The following STXBP5L variants were observed in gnomAD, a reference collection of about 807,000 sequenced individuals.
STXBP5L encodes the protein syntaxin-binding protein 5-like.
STXBP5L carries 65 observed loss-of-function variants against 144.5 expected under a neutral mutation model. The observed-to-expected ratio is 0.45, with a 90% CI of 0.37 to 0.55. The LOEUF is 0.55. Among genes scored for constraint, STXBP5L ranks in the 20% least tolerant of loss-of-function variants. The probability of loss-of-function intolerance (pLI) is 0.00; values close to 1 mark genes in which losing one functional copy is unlikely to be tolerated. For synonymous variants in STXBP5L, 505 were observed against 469.6 expected (o/e 1.08, Z -0.97); for missense variants, 1,298 against 1,405.5 (o/e 0.92, Z 1.22).
intron 3 of STXBP5L, among the ~76,000 whole-genome samples, chr3:121,033,587 C>T (rs867695428): frequency 1.5e-5 from 2 of 133,974 alleles, no homozygotes; most frequent in African/African-American, 5.7e-5. Context: ...AAAAAAAAAA[C>T]ATTAAAAAAT....
intron 11 of STXBP5L, 146 bp from the exon 12 acceptor site, chr3:121,233,470 C>T (rs2049371618): frequency 1.0e-5 from 5 of 486,974 alleles, no homozygotes; most frequent in Non-Finnish European, 1.1e-5. Context: ...TTTTTAAGTG[C>T]TCTTTGTTAC....
At chr3:120,932,407 A>G (rs1047846401) in intron 2 of STXBP5L, among the ~76,000 whole-genome samples, 1 of 152,186 alleles carries the variant, frequency 6.6e-6, no homozygotes, top group Non-Finnish European at 1.5e-5. Flanking sequence ...GCCATTTTTA[A>G]TTCTAGCAGA....
chr3:120,968,628 A>C (rs1047241730), intron 3 of STXBP5L, among the ~76,000 whole-genome samples: 10 of 152,266 alleles, frequency 6.6e-5, no homozygotes, highest in Admixed American at 5.9e-4. Flanking sequence ...TACATAGATA[A>C]GTTTTTTAGT....
At chr3:121,004,243 C>T (rs7645721) in intron 3 of STXBP5L, among the ~76,000 whole-genome samples, 49,443 of 150,408 alleles carry the variant, frequency 0.33, 8,590 homozygotes, top group Admixed American at 0.44. Flanking sequence ...TGGTTTGTAG[C>T]TCTCCTTGAA....
chr3:121,217,496 C>T (rs1272560352), intron 10 of STXBP5L, among the ~76,000 whole-genome samples: 1 of 152,070 alleles, frequency 6.6e-6, no homozygotes, highest in African/African-American at 2.4e-5. Context: ...TTCTGCTCAC[C>T]CTCCGTGGTC....
intron 11 of STXBP5L, 139 bp downstream of exon 11, chr3:121,223,296 A>AG: frequency 1.2e-6 from 1 of 816,348 alleles, no homozygotes; most frequent in Non-Finnish European, 1.8e-6. Flanking sequence ...CAGGTTCTGC[A>AG]ACTGTACCTA....
At chr3:121,187,597 T>A (rs2047447053) in intron 9 of STXBP5L, among the ~76,000 whole-genome samples, 2 of 82,978 alleles carry the variant, frequency 2.4e-5, no homozygotes, top group Non-Finnish European at 2.4e-5. Flanking sequence ...GAACCATGAA[T>A]GATAAAAAAA....
At chr3:120,968,339 T>G (rs994378297) in intron 3 of STXBP5L, among the ~76,000 whole-genome samples, 2 of 152,192 alleles carry the variant, frequency 1.3e-5, no homozygotes, top group Middle Eastern at 3.2e-3. Context: ...ATTGACCCCT[T>G]CATCATCATA....
At chr3:121,121,278 T>C (rs1577009756) in intron 6 of STXBP5L, among the ~76,000 whole-genome samples, 1 of 151,214 alleles carries the variant, frequency 6.6e-6, no homozygotes, top group African/African-American at 2.4e-5. Flanking sequence ...ACTGAGACAG[T>C]TTTACACCAT....
At chr3:121,349,892 T>C (rs2045196352) in intron 20 of STXBP5L, among the ~76,000 whole-genome samples, 1 of 152,150 alleles carries the variant, frequency 6.6e-6, no homozygotes, top group Non-Finnish European at 1.5e-5. Flanking sequence ...AGCACACTGA[T>C]GGGTCTTGAC....
intron 10 of STXBP5L, among the ~76,000 whole-genome samples, chr3:121,207,866 C>T (rs1481842440): frequency 6.6e-6 from 1 of 152,066 alleles, no homozygotes; most frequent in Non-Finnish European, 1.5e-5. Context: ...GAAATAGGAA[C>T]ACTTTTACAC....
At chr3:120,919,094 A>G (rs1709243422) in intron 2 of STXBP5L, among the ~76,000 whole-genome samples, 1 of 152,158 alleles carries the variant, frequency 6.6e-6, no homozygotes, top group South Asian at 2.1e-4. Flanking sequence ...TAGAAAAGAG[A>G]AAAGTGTCAT....
intron 3 of STXBP5L, among the ~76,000 whole-genome samples, chr3:121,039,106 A>G (rs1452639946): frequency 6.6e-6 from 1 of 151,906 alleles, no homozygotes; most frequent in Non-Finnish European, 1.5e-5. Context: ...TTAGTGTGGT[A>G]TTGGTATAGC....
chr3:121,048,813 G>T (rs1018408091), intron 5 of STXBP5L, among the ~76,000 whole-genome samples: 1 of 152,038 alleles, frequency 6.6e-6, no homozygotes, highest in Non-Finnish European at 1.5e-5. Context: ...AGCCTCCTGA[G>T]TAGCTGGGAC....
chr3:121,204,843 G>A (rs2048276460), intron 9 of STXBP5L, among the ~76,000 whole-genome samples: 1 of 152,136 alleles, frequency 6.6e-6, no homozygotes, highest in East Asian at 1.9e-4. Context: ...TGCAGAAGTA[G>A]CTTCATTTCT....
intron 22 of STXBP5L, among the ~76,000 whole-genome samples, chr3:121,387,210 G>A (rs1560045033): frequency 6.6e-6 from 1 of 152,172 alleles, no homozygotes; most frequent in Non-Finnish European, 1.5e-5. Context: ...CTTCTTTTGA[G>A]AAGTGTCTGT....
intron 22 of STXBP5L, among the ~76,000 whole-genome samples, chr3:121,402,773 GACA>G (rs2046910605): frequency 6.6e-6 from 1 of 152,182 alleles, no homozygotes; most frequent in South Asian, 2.1e-4. Flanking sequence ...TGCACTCCTG[GACA>G]ACAATTGCAT....
intron 5 of STXBP5L, among the ~76,000 whole-genome samples, chr3:121,087,594 C>T (rs529794946): frequency 5.6e-4 from 85 of 151,986 alleles, no homozygotes; most frequent in Middle Eastern, 3.4e-3. Flanking sequence ...TATAGACAAG[C>T]GTATAGTTGG....
chr3:121,197,270 T>A (rs9870466), intron 9 of STXBP5L, among the ~76,000 whole-genome samples: 15,083 of 152,174 alleles, frequency 0.099, 1,176 homozygotes, highest in Admixed American at 0.2. Flanking sequence ...GTAGAAAGCA[T>A]ATAGTTGGAT....
Sources: allele counts gnomAD v4.1 joint callset (sites outside exome capture counted in the v4.1 genomes callset), GRCh38; gene constraint gnomAD v4.1.1; transcripts MANE v1.5; gene names NCBI Gene and HGNC (gene_info 2026-07-23, HGNC 2026-07-21).